Variants in STK25 observed in about 807,000 individuals in gnomAD.
STK25 encodes the protein serine/threonine-protein kinase 25.
Under a neutral mutation model 53.8 loss-of-function variants are expected in STK25, and 29 were observed. That is an observed-to-expected ratio of 0.54 (90% confidence interval 0.40 to 0.74). The LOEUF (loss-of-function observed/expected upper bound fraction) is 0.74. Ranked by LOEUF, STK25 falls within the 30% of genes least tolerant of loss-of-function variation. The pLI is 0.00. For missense variants in STK25, 420 were observed against 568.0 expected (o/e 0.74, Z 2.65); for synonymous variants, 247 against 238.3 (o/e 1.04, Z -0.33).
Position 241,501,401 on chromosome 2 carries a change from A to C in STK25, c.261+77T>G. ...TCAAGACCGCCTTGCACCCTCTGGCATGTCACTCAGTCCCTCTGACATGGA... is the reference window on the plus strand; with the variant it reads ...TCAAGACCGCCTTGCACCCTCTGGCCTGTCACTCAGTCCCTCTGACATGGA... On this transcript the variant is annotated intron_variant, in intron 3 of 11. Transcript: ENST00000316586. This position sits in a 1 kb window ranked among gnomAD's most constrained non-coding sequence, Gnocchi z 5.3. 1 of 1,438,114 alleles carries C rather than the reference A, an allele frequency of 7.0e-7. No individual in the cohort carries two copies. The highest frequency in any genetic ancestry group is 9.6e-7 in the Non-Finnish European group (1 of 1,036,846). The allele number at this position is 1,438,114 out of a possible 1,614,324, so 89.1% of individuals were successfully genotyped here. A position where few individuals can be genotyped will look rare whatever the true frequency, so the allele number is the denominator to read the frequency against.
At chr2:241,498,830 C>T (rs2065336248) in intron 7 of STK25, 46 bp from the exon 8 acceptor site, 1 of 1,611,896 alleles carries the variant, frequency 6.2e-7, no homozygotes, top group African/African-American at 1.3e-5. Context: ...CAGCCAAGCT[C>T]TGCCTAAGGG....
rs759858746 is a variant in STK25, at chr2:241,493,422, G to A, written c.*2240C>T. On this transcript the variant is annotated 3_prime_UTR_variant, in exon 12 of 12. Coordinates refer to ENST00000316586, the MANE Select transcript of STK25 (RefSeq NM_001271977.2). ...ATCCCACGTCTACTTCTTCCGGGCT[G>A]AGAGCAAGTACACATTTGAAAGGTA... 2.7e-5 allele frequency: 44 copies of A among 1,613,764 alleles called. 1 individual carries two copies. In the Admixed American group the frequency reaches 7.0e-4, roughly 26 times the overall value.
chr2:241,508,607 T>A (rs1023059220), upstream of STK25: 15 of 986,860 alleles, frequency 1.5e-5, no homozygotes, highest in Non-Finnish European at 1.8e-5. Context: ...GCGAGGGCGG[T>A]GCTCGGCGTC....
rs11320829 is a variant in STK25, at chr2:241,493,597, G to GTT, written c.*2063_*2064dup. ...CATTTCCAAAAAACAGCAATGCTTT[G>GTT]TTTTTTTTTTTTTTGGAGATGGCGT... is the stretch of plus-strand genomic sequence containing the variant. On this transcript the variant is annotated 3_prime_UTR_variant, in exon 12 of 12. Transcript: ENST00000316586. The GTT allele has an allele frequency of 0.03, 16,814 of 552,888 alleles. 18 individuals are homozygous for GTT. The highest frequency in any genetic ancestry group is 0.055 in the East Asian group (1,749 of 31,970). 34.2% of individuals were successfully genotyped at this position (552,888 alleles called of 1,614,324 possible).
At position 241,508,477 on chromosome 2, in the gene STK25, G is replaced by A; in HGVS notation, c.-135C>T. The A allele has an allele frequency of 9.6e-7, 1 of 1,043,512 alleles. No homozygotes were observed. 64.6% of individuals were successfully genotyped at this position (1,043,512 alleles called of 1,614,324 possible). A position where few individuals can be genotyped will look rare whatever the true frequency, so the allele number is the denominator to read the frequency against. On this transcript the variant is annotated 5_prime_UTR_variant, in exon 1 of 12. Coordinates refer to ENST00000316586, the MANE Select transcript of STK25 (RefSeq NM_001271977.2). Reference sequence around the variant, plus strand: ...GCTCCATCCCGGCCTCCCCCGGCCCGCTCTGCAGCGCCCGCGAAGGCTCCC... The same window carrying A: ...GCTCCATCCCGGCCTCCCCCGGCCCACTCTGCAGCGCCCGCGAAGGCTCCC...
chr2:241,494,159 A>G lies in STK25; in HGVS notation c.*1503T>C. ...CTGCCCAGGTTTGGACACAACTACAAAGAACAGCAGGACACAGAGGTGACC... is the reference window on the plus strand; with the variant it reads ...CTGCCCAGGTTTGGACACAACTACAGAGAACAGCAGGACACAGAGGTGACC... On this transcript the variant is annotated 3_prime_UTR_variant, in exon 12 of 12. Coordinates refer to ENST00000316586, the MANE Select transcript of STK25 (RefSeq NM_001271977.2). This position sits in a 1 kb window ranked among gnomAD's most constrained non-coding sequence, Gnocchi z 4.9. 7.5e-7 allele frequency: 1 copy of G among 1,327,954 alleles called. No homozygotes were observed. Among genetic ancestry groups the G allele is most frequent in the Non-Finnish European group, 1.0e-6 (1 of 986,344 alleles). The allele number at this position is 1,327,954 out of a possible 1,614,324, so 82.3% of individuals were successfully genotyped here. A position where few individuals can be genotyped will look rare whatever the true frequency, so the allele number is the denominator to read the frequency against.
At chr2:241,508,353 C>T in intron 1 of STK25, 90 bp downstream of exon 1, 1 of 1,153,046 alleles carries the variant, frequency 8.7e-7, no homozygotes, top group South Asian at 2.8e-5. Context: ...TGCCCCCGCC[C>T]CGGTGTCCCC....
At chr2:241,499,996 A>T (rs1369833000) in intron 5 of STK25, 177 bp downstream of exon 5, 2 of 697,572 alleles carry the variant, frequency 2.9e-6, no homozygotes, top group Non-Finnish European at 5.3e-6. Flanking sequence ...AAACCGTTAC[A>T]AGTAGTATCT....
At chr2:241,499,529 T>A (rs2065378366) in intron 5 of STK25, 115 bp from the exon 6 acceptor site, 2 of 1,353,828 alleles carry the variant, frequency 1.5e-6, no homozygotes, top group Non-Finnish European at 2.0e-6. Flanking sequence ...AGCAGGGCTG[T>A]CCTCAGGACC....
intron 2 of STK25, among the ~76,000 whole-genome samples, chr2:241,505,636 C>T (rs1293077742): frequency 1.3e-5 from 2 of 152,210 alleles, no homozygotes; most frequent in Non-Finnish European, 2.9e-5. Flanking sequence ...AGGGAAACCC[C>T]TGGGTGGGCA....
At position 241,498,668 on chromosome 2, in the gene STK25, G is replaced by A. The variant is rs1259396388; in HGVS notation, c.888C>T (p.Gly296=). ...CAGAGTCCTCAGAGCTGGACTCCTC[G>A]CCATGCCCCTCTGACTTCCAGCGCT... is the stretch of plus-strand genomic sequence containing the variant. ...RYKRWKSEGH[G]EESSSEDSDI... The change falls in exon 8 of 12, where the codon GGC becomes GGT. Residue 296 remains glycine (G), a synonymous_variant. Transcript: ENST00000316586. 5.0e-6 allele frequency: 8 copies of A among 1,613,886 alleles called. No homozygotes were observed. Among genetic ancestry groups the A allele is most frequent in the African/African-American group, 2.7e-5 (2 of 74,950 alleles).
chr2:241,501,676 G>A lies in STK25; in HGVS notation c.63C>T (p.Thr21=). The change falls in exon 3 of 12, where the codon ACC becomes ACT. Residue 21 remains threonine (T), a synonymous_variant. Transcript: ENST00000316586. The surrounding 1 kb of genome is among the most constrained non-coding windows in gnomAD (Gnocchi z 5.3). ...AGCCCTTGCCAATGCGGTCGAGCTT[G>A]GTGAAGAGCTCCTCAGGGTCCACTC... ...HSRVDPEELF[T]KLDRIGKGSF... 6.2e-7 allele frequency: 1 copy of A among 1,613,910 alleles called. No individual in the cohort carries two copies. Among genetic ancestry groups the A allele is most frequent in the Non-Finnish European group, 8.5e-7 (1 of 1,180,002 alleles).
chr2:241,500,712 C>T (rs745613867), intron 4 of STK25, 28 bp downstream of exon 4: 4 of 1,610,110 alleles, frequency 2.5e-6, no homozygotes, highest in Admixed American at 1.7e-5. Flanking sequence ...CACTGCATGA[C>T]CCCCCACTGC....
chr2:241,493,285 T>C lies in STK25; in HGVS notation c.*2377A>G. The C allele has an allele frequency of 6.2e-7, 1 of 1,613,474 alleles. No individual in the cohort carries two copies. Among genetic ancestry groups the C allele is most frequent in the Non-Finnish European group, 8.5e-7 (1 of 1,179,880 alleles). On this transcript the variant is annotated 3_prime_UTR_variant, in exon 12 of 12. Transcript: ENST00000316586. Reference sequence around the variant, plus strand: ...CCCTGGAACCCGTGTCCCTATGCTGTCTTGCAGGATGACTACCCACTGGCC... The same window carrying C: ...CCCTGGAACCCGTGTCCCTATGCTGCCTTGCAGGATGACTACCCACTGGCC...
intron 2 of STK25, among the ~76,000 whole-genome samples, chr2:241,504,343 T>C (rs2065693748): frequency 6.6e-6 from 1 of 152,098 alleles, no homozygotes; most frequent in African/African-American, 2.4e-5. Context: ...CCAGTACCCA[T>C]GGAGGAAACA....
At position 241,501,813 on chromosome 2, in the gene STK25, G is replaced by A; in HGVS notation, c.31-105C>T. The stretch of plus-strand genomic sequence containing the variant: ...GGAGGAAGGGACCTGTAGGGAAGGG[G>A]GAGTCCAAGGGAGCGCACCTCAATT... On this transcript the variant is annotated intron_variant, in intron 2 of 11. Coordinates refer to ENST00000316586, the MANE Select transcript of STK25 (RefSeq NM_001271977.2). The surrounding 1 kb of genome is among the most constrained non-coding windows in gnomAD (Gnocchi z 5.3). The A allele has an allele frequency of 1.4e-6, 1 of 723,786 alleles. No homozygotes were observed. 44.8% of individuals were successfully genotyped at this position (723,786 alleles called of 1,614,324 possible).
intron 2 of STK25, among the ~76,000 whole-genome samples, chr2:241,505,776 C>T (rs1467603741): frequency 1.3e-5 from 2 of 152,212 alleles, no homozygotes; most frequent in Admixed American, 6.5e-5. Context: ...ACAATGACAT[C>T]GCAGGCCAAG....
Position 241,508,076 on chromosome 2 carries a change from G to A in STK25, c.-41C>T. On this transcript the variant is annotated 5_prime_UTR_variant, in exon 2 of 12. Coordinates refer to ENST00000316586, the MANE Select transcript of STK25 (RefSeq NM_001271977.2). The stretch of plus-strand genomic sequence containing the variant: ...GACCCTCCGCCAGCAGCCCCAGGAG[G>A]CGTCTGGATCCCGCGGAGAGGCGCG... 6.3e-7 allele frequency: 1 copy of A among 1,581,210 alleles called. No homozygotes were observed. Among genetic ancestry groups the A allele is most frequent in the African/African-American group, 1.4e-5 (1 of 73,956 alleles).
intron 3 of STK25, 73 bp from the exon 4 acceptor site, chr2:241,500,869 C>A: frequency 1.3e-6 from 2 of 1,511,234 alleles, no homozygotes; most frequent in Admixed American, 1.8e-5. Context: ...GAGTCACAGG[C>A]CGGAGTCAGC....
Sources: allele counts gnomAD v4.1 joint callset (sites outside exome capture counted in the v4.1 genomes callset), GRCh38; gene constraint gnomAD v4.1.1; non-coding constraint Gnocchi (gnomAD v3.1); transcripts MANE v1.5; gene names NCBI Gene and HGNC (gene_info 2026-07-23, HGNC 2026-07-21).